The following DMD variants were observed in gnomAD, a reference collection of about 807,000 sequenced individuals.
The protein encoded by DMD is mutant dystrophin.
A neutral mutation model predicts 330.1 loss-of-function variants in DMD; 63 were observed. The observed-to-expected ratio is 0.19, with a 90% CI of 0.16 to 0.24. The LOEUF is 0.24. DMD is among the 10% of genes least tolerant of loss of function. DMD has a pLI of 1.00. For synonymous variants in DMD, 1,223 were observed against 959.8 expected (o/e 1.27, Z -5.07); for missense variants, 3,344 against 2,684.1 (o/e 1.25, Z -5.43).
chrX:32,030,260 T>C (rs750369095), intron 44 of DMD, among the ~76,000 whole-genome samples: 1 of 112,199 alleles, frequency 8.9e-6, no homozygotes, highest in Non-Finnish European at 1.9e-5. Flanking sequence ...GTGATCTATA[T>C]CCACCATTTC....
intron 59 of DMD, among the ~76,000 whole-genome samples, chrX:31,447,080 C>T (rs1208142900): frequency 9.0e-6 from 1 of 111,195 alleles, no homozygotes; most frequent in African/African-American, 3.3e-5. Context: ...TTTTGATTTT[C>T]ATTTTCTCTC....
intron 30 of DMD, among the ~76,000 whole-genome samples, chrX:32,395,130 A>T (rs2098034801): frequency 9.0e-6 from 1 of 110,996 alleles, no homozygotes; most frequent in South Asian, 3.8e-4. Context: ...GCCCTCTAAC[A>T]ATTATACTGC....
chrX:31,583,221 T>C (rs1057448796), intron 55 of DMD, among the ~76,000 whole-genome samples: 3 of 111,855 alleles, frequency 2.7e-5, no homozygotes, highest in African/African-American at 9.8e-5. Context: ...AGGCAGCATA[T>C]GCTTTGAGAG....
intron 45 of DMD, among the ~76,000 whole-genome samples, chrX:31,963,787 C>CTTT (rs369054870): frequency 1.1e-4 from 9 of 80,433 alleles, no homozygotes; most frequent in African/African-American, 4.3e-4. Context: ...GAGGAAAAAC[C>CTTT]TTTTTTTTTT....
intron 47 of DMD, among the ~76,000 whole-genome samples, chrX:31,904,745 G>A (rs2094459283): frequency 9.0e-6 from 1 of 111,274 alleles, no homozygotes; most frequent in Admixed American, 9.6e-5. Context: ...CCTAGCCCTG[G>A]CCAACACCTA....
At chrX:33,200,133 C>T (rs1257349425) in intron 1 of DMD, among the ~76,000 whole-genome samples, 10 of 111,183 alleles carry the variant, frequency 9.0e-5, no homozygotes, top group African/African-American at 3.3e-4. Context: ...AAAAAGAAAC[C>T]AACAAAGTTA....
chrX:31,497,664 G>A lies in DMD; in HGVS notation c.8391-720C>T, dbSNP rs778121697. On this transcript the variant is annotated intron_variant, in intron 56 of 78. Coordinates refer to ENST00000357033, the MANE Select transcript of DMD (RefSeq NM_004006.3). ...TTACCGTCAACTGTATTTAGAACAC[G>A]TTAATCCTTAGAAGCCATTTAAGAA... Among the ~76,000 whole-genome samples the A allele has an allele frequency of 8.0e-5, 9 of 112,142 alleles. No homozygotes were observed. The East Asian group carries it at 2.0e-3, about 24-fold the overall frequency.
chrX:33,048,496 C>A (rs1376113648), intron 1 of DMD, among the ~76,000 whole-genome samples: 2 of 109,048 alleles, frequency 1.8e-5, no homozygotes, highest in Non-Finnish European at 3.8e-5. Context: ...TCAAGACCAG[C>A]GTGCCCAACA....
chrX:32,337,483 AT>A (rs1419369057), intron 41 of DMD, among the ~76,000 whole-genome samples: 1 of 109,292 alleles, frequency 9.1e-6, no homozygotes, highest in African/African-American at 3.3e-5. Context: ...GAAAATGGAC[AT>A]TTCTTTTTCT....
chrX:31,893,861 A>T (rs752690328), intron 47 of DMD, among the ~76,000 whole-genome samples: 1 of 111,546 alleles, frequency 9.0e-6, no homozygotes, highest in South Asian at 3.8e-4. Context: ...GTATCCTTGG[A>T]ACTGAAAAAT....
chrX:32,069,510 G>C (rs921289198), intron 44 of DMD, among the ~76,000 whole-genome samples: 1 of 111,686 alleles, frequency 9.0e-6, no homozygotes, highest in Admixed American at 9.5e-5. Flanking sequence ...AGAAAGTTCT[G>C]TAAGTCTCCA....
chrX:32,429,723 T>C (rs755864106), intron 29 of DMD, among the ~76,000 whole-genome samples: 19 of 109,924 alleles, frequency 1.7e-4, no homozygotes, highest in South Asian at 7.8e-4. Context: ...TATTACAGCA[T>C]AAAGTCGACA....
intron 22 of DMD, among the ~76,000 whole-genome samples, chrX:32,470,236 GA>G (rs891205218): frequency 4.6e-5 from 5 of 108,294 alleles, no homozygotes; most frequent in African/African-American, 1.3e-4. Flanking sequence ...CTTACTCACA[GA>G]AAAAAAAAGA....
chrX:32,478,921 G>A (rs2041525668), intron 21 of DMD, among the ~76,000 whole-genome samples: 2 of 110,708 alleles, frequency 1.8e-5, no homozygotes, highest in South Asian at 7.5e-4. Flanking sequence ...AACTGAAATT[G>A]GGGTCATTTT....
chrX:32,789,981 G>T (rs1414041458), intron 7 of DMD, among the ~76,000 whole-genome samples: 1 of 111,765 alleles, frequency 8.9e-6, no homozygotes, highest in Non-Finnish European at 1.9e-5. Context: ...TTATTAAATT[G>T]TAATAATATA....
chrX:32,493,558 C>A (rs2043206439), intron 19 of DMD, among the ~76,000 whole-genome samples: 1 of 111,348 alleles, frequency 9.0e-6, no homozygotes, highest in Non-Finnish European at 1.9e-5. Flanking sequence ...GAGGAGTGAT[C>A]AAAAATTGTA....
At chrX:32,168,565 A>C (rs1277734658) in intron 44 of DMD, among the ~76,000 whole-genome samples, 3 of 109,630 alleles carry the variant, frequency 2.7e-5, no homozygotes, top group Non-Finnish European at 5.7e-5. Context: ...AAAAACCAAC[A>C]AAAAAACTAA....
intron 43 of DMD, among the ~76,000 whole-genome samples, chrX:32,220,248 T>G (rs770667778): frequency 8.9e-6 from 1 of 111,895 alleles, no homozygotes; most frequent in African/African-American, 3.2e-5. Flanking sequence ...TCCAAACTTT[T>G]GCATCCTCAA....
chrX:31,593,382 G>GT (rs1244935460), intron 55 of DMD, among the ~76,000 whole-genome samples: 1 of 111,289 alleles, frequency 9.0e-6, no homozygotes, highest in East Asian at 2.8e-4. Context: ...TGAGTAGTTT[G>GT]TAAGAATTAT....
Sources: gnomAD v4.1 joint callset for allele counts (sites outside exome capture counted in the v4.1 genomes callset) on GRCh38, gnomAD v4.1.1 for gene constraint, MANE v1.5 for transcripts, NCBI Gene and HGNC (gene_info 2026-07-23, HGNC 2026-07-21) for gene names.